SLFN12L: variants seen among roughly 807,000 people sequenced by gnomAD.
SLFN12L encodes schlafen family member 12-like.
A neutral mutation model predicts 34.8 loss-of-function variants in SLFN12L; 34 were observed. That is an observed-to-expected ratio of 0.98 (90% confidence interval 0.74 to 1.30). The LOEUF is 1.30. Ranked by LOEUF, SLFN12L falls within the 50% of genes most tolerant of loss-of-function variation. The pLI is 0.00. For missense variants in SLFN12L, 703 were observed against 696.2 expected, an observed-to-expected ratio of 1.01 and a Z score of -0.11; for synonymous variants, 259 against 247.5, an observed-to-expected ratio of 1.05 and a Z score of -0.44.
intron 2 of SLFN12L, among the ~76,000 whole-genome samples, chr17:35,521,913 A>T (rs1198466500): frequency 6.6e-6 from 1 of 152,014 alleles, no homozygotes; most frequent in Non-Finnish European, 1.5e-5. Context: ...TTCTTTAGCT[A>T]AAAAAGGTAG....
At chr17:35,530,523 A>AAAGAAAG (rs1567694723) in intron 1 of SLFN12L, among the ~76,000 whole-genome samples, 5 of 43,914 alleles carry the variant, frequency 1.1e-4, no homozygotes, top group African/African-American at 3.5e-4. Flanking sequence ...AAAAGAAAAG[A>AAAGAAAG]AAAGAAAAGA....
intron 2 of SLFN12L, among the ~76,000 whole-genome samples, chr17:35,503,132 G>C (rs915261770): frequency 1.3e-5 from 2 of 152,204 alleles, no homozygotes; most frequent in Non-Finnish European, 2.9e-5. Context: ...TATACCTTTG[G>C]TAAAGGGATT....
intron 2 of SLFN12L, chr17:35,498,489 G>GTGAT: frequency 8.3e-7 from 1 of 1,202,224 alleles, no homozygotes; most frequent in South Asian, 1.2e-5. Context: ...TAGCCACGAA[G>GTGAT]TGATGCCTCT....
chr17:35,476,925 A>T (rs113021670), intron 4 of SLFN12L, among the ~76,000 whole-genome samples: 1 of 152,280 alleles, frequency 6.6e-6, no homozygotes, highest in African/African-American at 2.4e-5. Flanking sequence ...TAAGAGAAAA[A>T]CTGGATTATA....
intron 2 of SLFN12L, among the ~76,000 whole-genome samples, chr17:35,499,537 G>A (rs1225261472): frequency 6.6e-6 from 1 of 152,196 alleles, no homozygotes; most frequent in Non-Finnish European, 1.5e-5. Flanking sequence ...TAAATAATTA[G>A]AAGTAAGATT....
chr17:35,526,885 A>C (rs2072340783), intron 1 of SLFN12L, among the ~76,000 whole-genome samples: 1 of 152,174 alleles, frequency 6.6e-6, no homozygotes, highest in South Asian at 2.1e-4. Context: ...ACATAGAGAC[A>C]CAAAAACCCC....
Position 35,471,297 on chromosome 17 carries a change from C to T in SLFN12L, c.*3626G>A, listed in dbSNP as rs1222995770. Among the ~76,000 whole-genome samples the T allele has an allele frequency of 1.3e-5, 2 of 152,138 alleles. No homozygotes were observed. Among genetic ancestry groups the T allele is most frequent in the South Asian group, 2.1e-4 (1 of 4,808 alleles). On this transcript the variant is annotated 3_prime_UTR_variant, in exon 5 of 5. Coordinates refer to ENST00000628453, the MANE Select transcript of SLFN12L (RefSeq NM_001363830.2). The stretch of plus-strand genomic sequence containing the variant: ...GATTACAGACGCCTACCACCACTCC[C>T]AGCTAATTCTTGTATTTTTAGTAGA...
intron 2 of SLFN12L, among the ~76,000 whole-genome samples, chr17:35,518,743 G>A (rs1288772790): frequency 6.6e-6 from 1 of 152,188 alleles, no homozygotes; most frequent in Admixed American, 6.5e-5. Context: ...CTTTTACATT[G>A]TTGGTGGGAG....
chr17:35,502,191 T>C (rs1476628675), intron 2 of SLFN12L, among the ~76,000 whole-genome samples: 1 of 152,054 alleles, frequency 6.6e-6, no homozygotes, highest in Admixed American at 6.5e-5. Context: ...GTATTCTCCA[T>C]AAGCCTATAA....
intron 1 of SLFN12L, among the ~76,000 whole-genome samples, chr17:35,528,189 G>T (rs1036568837): frequency 2.2e-4 from 34 of 152,080 alleles, no homozygotes; most frequent in African/African-American, 7.7e-4. Flanking sequence ...CACTGCTCAA[G>T]GAAATAAGAG....
At chr17:35,499,037 C>T (rs1915198474) in intron 2 of SLFN12L, 2 of 753,160 alleles carry the variant, frequency 2.7e-6, no homozygotes, top group East Asian at 7.2e-5. Context: ...CAGAAATCTC[C>T]CCTGATAGCA....
chr17:35,482,215 G>T (rs925354179), intron 2 of SLFN12L, among the ~76,000 whole-genome samples: 17 of 152,230 alleles, frequency 1.1e-4, no homozygotes, highest in African/African-American at 3.6e-4. Flanking sequence ...TTGAATGTTT[G>T]CATCCTCTCA....
At chr17:35,488,824 C>CT (rs1297349810) in intron 2 of SLFN12L, among the ~76,000 whole-genome samples, 21 of 151,982 alleles carry the variant, frequency 1.4e-4, no homozygotes, top group Admixed American at 1.4e-3. Context: ...AATCCCAGCA[C>CT]TTTGGGAGGC....
chr17:35,474,720 T>C lies in SLFN12L; in HGVS notation c.*203A>G. On this transcript the variant is annotated 3_prime_UTR_variant, in exon 5 of 5. Coordinates refer to ENST00000628453, the MANE Select transcript of SLFN12L (RefSeq NM_001363830.2). Reference sequence around the variant, plus strand: ...GGGGTTGAATCACGAGGTCAGGAGTTCAAGACCAGCCTGGCCAAGACGGTG... The same window carrying C: ...GGGGTTGAATCACGAGGTCAGGAGTCCAAGACCAGCCTGGCCAAGACGGTG... 1 of 403,380 alleles carries C rather than the reference T, an allele frequency of 2.5e-6. No individual in the cohort carries two copies. Among genetic ancestry groups the C allele is most frequent in the Non-Finnish European group, 4.4e-6 (1 of 226,272 alleles). The allele number at this position is 403,380 out of a possible 1,614,324, so 25.0% of individuals were successfully genotyped here. A position where few individuals can be genotyped will look rare whatever the true frequency, so the allele number is the denominator to read the frequency against.
intron 1 of SLFN12L, among the ~76,000 whole-genome samples, chr17:35,537,094 C>T (rs2072469388): frequency 6.6e-6 from 1 of 151,830 alleles, no homozygotes; most frequent in Middle Eastern, 3.2e-3. Context: ...CAGGAGGATC[C>T]TTTGAGCCCT....
rs1258400375 is a variant in SLFN12L at position 35,480,114 on chromosome 17, C to T, written c.168G>A (p.Leu56=). The T allele has an allele frequency of 6.2e-7, 1 of 1,614,052 alleles. No individual in the cohort carries two copies. The highest frequency in any genetic ancestry group is 8.5e-7 in the Non-Finnish European group (1 of 1,179,990). ...GAGTGACTCTTCCCACATTTAGAAC[C>T]AGCTCAGCATAGTTTGTGTCTAAAT... The part of the protein sequence containing the change: ...SIDLDTNYAE[L]VLNVGRVTLG... The change falls in exon 3 of 5, where the codon CTG becomes CTA. Residue 56 remains leucine, a synonymous_variant. Coordinates refer to ENST00000628453, the MANE Select transcript of SLFN12L (RefSeq NM_001363830.2).
At position 35,495,431 on chromosome 17, in the gene SLFN12L, A is replaced by G. The variant is rs370585810; in HGVS notation, c.87-15236T>C. Among the ~76,000 whole-genome samples, 25 of 152,344 alleles carry G rather than the reference A, an allele frequency of 1.6e-4. No homozygotes were observed. In the East Asian group the frequency reaches 3.5e-3, roughly 21 times the overall value. On this transcript the variant is annotated intron_variant, in intron 2 of 4. Coordinates refer to ENST00000628453, the MANE Select transcript of SLFN12L (RefSeq NM_001363830.2). The stretch of plus-strand genomic sequence containing the variant: ...GTTTCATGTATGTCGATTATAGCTC[A>G]GTATAGCTATTTTTACAGTAACATA...
chr17:35,492,802 T>C (rs1253166272), intron 2 of SLFN12L, among the ~76,000 whole-genome samples: 1 of 152,154 alleles, frequency 6.6e-6, no homozygotes, highest in East Asian at 1.9e-4. Flanking sequence ...TCCGGTCCAT[T>C]CCTTGGATGC....
At chr17:35,505,506 C>T (rs1488179755) in intron 2 of SLFN12L, among the ~76,000 whole-genome samples, 1 of 152,196 alleles carries the variant, frequency 6.6e-6, no homozygotes, top group East Asian at 1.9e-4. Context: ...ACATCATTGG[C>T]TAACAAATGC....
Sources: gnomAD v4.1 joint callset for allele counts (sites outside exome capture counted in the v4.1 genomes callset) on GRCh38, gnomAD v4.1.1 for gene constraint, MANE v1.5 for transcripts, NCBI Gene and HGNC (gene_info 2026-07-23, HGNC 2026-07-21) for gene names.